KIAA1328: variants seen among roughly 807,000 people sequenced by gnomAD.
KIAA1328 encodes the protein KIAA1328.
Under a neutral mutation model 68.1 loss-of-function variants are expected in KIAA1328, and 52 were observed. The observed-to-expected ratio is 0.76, with a 90% CI of 0.61 to 0.96. The LOEUF (loss-of-function observed/expected upper bound fraction) is 0.96. Among genes scored for constraint, KIAA1328 ranks in the 40% least tolerant of loss-of-function variants. The pLI, the probability that KIAA1328 is intolerant of heterozygous loss-of-function variation, is 0.00. For missense variants in KIAA1328, 641 were observed against 677.6 expected, an observed-to-expected ratio of 0.95 and a Z score of 0.60; for synonymous variants, 232 against 239.4, an observed-to-expected ratio of 0.97 and a Z score of 0.28.
chr18:36,879,602 CT>C, intron 4 of KIAA1328, among the ~76,000 whole-genome samples: 1 of 152,202 alleles, frequency 6.6e-6, no homozygotes. Context: ...AGGCAGGAAT[CT>C]TTAAGTCTGC....
chr18:37,063,638 T>C, intron 6 of KIAA1328: 2 of 985,376 alleles, frequency 2.0e-6, no homozygotes, highest in Middle Eastern at 5.2e-4. Flanking sequence ...AAGCAGGTAA[T>C]TGACAGAGCA....
At chr18:36,979,353 T>C (rs2151363318) in intron 6 of KIAA1328, among the ~76,000 whole-genome samples, 1 of 152,228 alleles carries the variant, frequency 6.6e-6, no homozygotes, top group African/African-American at 2.4e-5. Flanking sequence ...GAAGTAAATT[T>C]AACCATTAAA....
At chr18:37,101,653 G>T (rs1474530524) in intron 7 of KIAA1328, among the ~76,000 whole-genome samples, 1 of 152,088 alleles carries the variant, frequency 6.6e-6, no homozygotes, top group Non-Finnish European at 1.5e-5. Context: ...TTCAAATTCA[G>T]GAAATACAGA....
Position 37,222,061 on chromosome 18 carries a change from A to C in KIAA1328, c.1568A>C (p.Asn523Thr), listed in dbSNP as rs2060574176. 3.7e-6 allele frequency: 6 copies of C among 1,613,524 alleles called. No individual in the cohort carries two copies. The highest frequency in any genetic ancestry group is 5.1e-6 in the Non-Finnish European group (6 of 1,179,722). The change falls in exon 10 of 10, where the codon AAC becomes ACC. Residue 523 changes from asparagine to threonine, a missense_variant. Asn to Thr is a moderately conservative substitution (Grantham distance 65, BLOSUM62 0). Transcript: ENST00000280020. ...LLDLVQSLSP[N>T]SAPKPQRYPS... ...GATTTGGTTCAGTCTCTGAGCCCAA[A>C]CTCTGCGCCCAAACCTCAGCGCTAT...
chr18:36,971,661 T>C (rs1425894903), intron 6 of KIAA1328, among the ~76,000 whole-genome samples: 1 of 152,088 alleles, frequency 6.6e-6, no homozygotes, highest in Non-Finnish European at 1.5e-5. Flanking sequence ...AATGTGGTAC[T>C]GTATACCATG....
intron 7 of KIAA1328, among the ~76,000 whole-genome samples, chr18:37,099,971 T>C (rs981464746): frequency 1.3e-5 from 2 of 152,154 alleles, no homozygotes; most frequent in Non-Finnish European, 2.9e-5. Flanking sequence ...ATGTGTGTCT[T>C]TGCACGTGAG....
intron 5 of KIAA1328, among the ~76,000 whole-genome samples, chr18:36,942,412 A>G (rs1358518609): frequency 6.6e-6 from 1 of 152,228 alleles, no homozygotes. Flanking sequence ...TTAGAGACAT[A>G]GAACAAACCT....
At chr18:36,900,731 T>C (rs2049010297) in intron 5 of KIAA1328, among the ~76,000 whole-genome samples, 1 of 152,004 alleles carries the variant, frequency 6.6e-6, no homozygotes, top group African/African-American at 2.4e-5. Flanking sequence ...TTGGAAATAG[T>C]GTCTTTACGC....
chr18:37,180,892 G>A (rs1035369810), intron 9 of KIAA1328, among the ~76,000 whole-genome samples: 2 of 152,012 alleles, frequency 1.3e-5, no homozygotes, highest in Non-Finnish European at 2.9e-5. Context: ...GCTATTATTC[G>A]TTAAATGCCA....
At chr18:37,023,948 C>T (rs779299299) in intron 6 of KIAA1328, among the ~76,000 whole-genome samples, 1 of 152,140 alleles carries the variant, frequency 6.6e-6, no homozygotes, top group Non-Finnish European at 1.5e-5. Flanking sequence ...TTTCAATCTT[C>T]ACTCTCCTCC....
chr18:36,846,927 T>C (rs956844992), intron 4 of KIAA1328, among the ~76,000 whole-genome samples: 12 of 151,492 alleles, frequency 7.9e-5, no homozygotes, highest in Middle Eastern at 3.4e-3. Context: ...CATTCAATAA[T>C]ACCTCCTCAT....
chr18:37,208,696 T>C (rs2060260588), intron 9 of KIAA1328, among the ~76,000 whole-genome samples: 1 of 152,122 alleles, frequency 6.6e-6, no homozygotes, highest in Non-Finnish European at 1.5e-5. Context: ...TGATTTCCAC[T>C]CAGACGGATG....
At chr18:37,099,204 G>A (rs965821600) in intron 7 of KIAA1328, among the ~76,000 whole-genome samples, 1 of 152,016 alleles carries the variant, frequency 6.6e-6, no homozygotes, top group African/African-American at 2.4e-5. Context: ...TTTCTCTTGT[G>A]GGCATTTAGT....
At chr18:37,121,561 C>A (rs968936122) in intron 7 of KIAA1328, among the ~76,000 whole-genome samples, 1 of 151,976 alleles carries the variant, frequency 6.6e-6, no homozygotes, top group African/African-American at 2.4e-5. Flanking sequence ...CTGTATATCA[C>A]AAACATAGAT....
chr18:37,017,716 C>T (rs2054201057), intron 6 of KIAA1328, among the ~76,000 whole-genome samples: 2 of 151,908 alleles, frequency 1.3e-5, no homozygotes, highest in Non-Finnish European at 2.9e-5. Flanking sequence ...TTATAGAATG[C>T]CTTTCTGTCC....
At chr18:36,929,477 G>A (rs1461002679) in intron 5 of KIAA1328, among the ~76,000 whole-genome samples, 1 of 151,556 alleles carries the variant, frequency 6.6e-6, no homozygotes, top group Non-Finnish European at 1.5e-5. Context: ...CTAGTGGTGG[G>A]CTTCTGCCAC....
intron 4 of KIAA1328, among the ~76,000 whole-genome samples, chr18:36,868,458 A>G (rs955456279): frequency 1.3e-5 from 2 of 152,214 alleles, no homozygotes; most frequent in Non-Finnish European, 1.5e-5. Context: ...TGAAAAATGA[A>G]TGGCTTTGCA....
intron 7 of KIAA1328, among the ~76,000 whole-genome samples, chr18:37,140,283 T>TA (rs2058739152): frequency 6.6e-6 from 1 of 152,142 alleles, no homozygotes; most frequent in Admixed American, 6.5e-5. Flanking sequence ...TGACAGCTAT[T>TA]CTTCTTTGTA....
At chr18:36,943,879 C>G (rs1267689074) in intron 5 of KIAA1328, among the ~76,000 whole-genome samples, 2 of 152,140 alleles carry the variant, frequency 1.3e-5, no homozygotes, top group East Asian at 3.8e-4. Flanking sequence ...ATATTATTCT[C>G]TGGTAAAGTA....
Sources: gnomAD v4.1 joint callset for allele counts (sites outside exome capture counted in the v4.1 genomes callset) on GRCh38, gnomAD v4.1.1 for gene constraint, MANE v1.5 for transcripts, NCBI Gene and HGNC (gene_info 2026-07-23, HGNC 2026-07-21) for gene names.